ST3GAL3: variants seen among roughly 807,000 people sequenced by gnomAD.
The protein encoded by ST3GAL3 is CMP-N-acetylneuraminate-beta-1,4-galactoside alpha-2,3-sialyltransferase.
Under a neutral mutation model 50.1 loss-of-function variants are expected in ST3GAL3, and 21 were observed. The ratio of observed to expected loss-of-function variants is 0.42; its 90% CI spans 0.30 to 0.60. The LOEUF (loss-of-function observed/expected upper bound fraction) is 0.60. ST3GAL3 is among the 20% of genes least tolerant of loss of function. ST3GAL3 has a pLI of 0.19. For synonymous variants in ST3GAL3, 183 were observed against 190.0 expected (o/e 0.96, Z 0.30); for missense variants, 353 against 489.4 (o/e 0.72, Z 2.63).
chr1:43,919,907 C>G lies in ST3GAL3; in HGVS notation c.745-497C>G. ...GTGTTGGTCTGCTATACTCTACTTG[C>G]TCACGCTCTGTCTCCATTTTTCAGG... On this transcript the variant is annotated intron_variant, in intron 9 of 11. Coordinates refer to ENST00000347631, the MANE Select transcript of ST3GAL3 (RefSeq NM_006279.5). 1.3e-5 allele frequency: 3 copies of G among 235,662 alleles called. No homozygotes were observed. In the South Asian group the frequency reaches 1.9e-4, roughly 15 times the overall value. The allele number at this position is 235,662 out of a possible 1,614,324, so 14.6% of individuals were successfully genotyped here. A position where few individuals can be genotyped will look rare whatever the true frequency, so the allele number is the denominator to read the frequency against.
intron 5 of ST3GAL3, among the ~76,000 whole-genome samples, chr1:43,868,528 T>C (rs2154243307): frequency 6.6e-6 from 1 of 152,244 alleles, no homozygotes; most frequent in Middle Eastern, 3.4e-3. Context: ...CCTTCAAAAC[T>C]AGCAGTTTGT....
chr1:43,744,211 T>C (rs1682444909), intron 2 of ST3GAL3, among the ~76,000 whole-genome samples: 1 of 152,144 alleles, frequency 6.6e-6, no homozygotes, highest in Non-Finnish European at 1.5e-5. Flanking sequence ...AGGCGGGTAA[T>C]TACTCTTAAA....
chr1:43,837,972 T>C (rs1488196612), intron 4 of ST3GAL3, among the ~76,000 whole-genome samples: 1 of 151,964 alleles, frequency 6.6e-6, no homozygotes, highest in African/African-American at 2.4e-5. Context: ...GGAATGAAAC[T>C]TGATTCAAGG....
At chr1:43,876,462 G>A (rs889216169) in intron 5 of ST3GAL3, among the ~76,000 whole-genome samples, 1 of 152,178 alleles carries the variant, frequency 6.6e-6, no homozygotes, top group Non-Finnish European at 1.5e-5. Flanking sequence ...TCGGGATTGA[G>A]GCTCTTAGCT....
At chr1:43,903,081 A>G (rs1170843710) in intron 9 of ST3GAL3, among the ~76,000 whole-genome samples, 1 of 152,174 alleles carries the variant, frequency 6.6e-6, no homozygotes, top group Non-Finnish European at 1.5e-5. Flanking sequence ...TGAGTGGGTG[A>G]AAGGAATTAC....
chr1:43,803,657 T>G (rs1437851983), intron 3 of ST3GAL3, among the ~76,000 whole-genome samples: 2 of 152,238 alleles, frequency 1.3e-5, no homozygotes, highest in African/African-American at 4.8e-5. Flanking sequence ...TTTTAAGAGT[T>G]TACATCAGTG....
chr1:43,864,294 A>G (rs2070770932), intron 5 of ST3GAL3, among the ~76,000 whole-genome samples: 1 of 152,142 alleles, frequency 6.6e-6, no homozygotes, highest in Non-Finnish European at 1.5e-5. Flanking sequence ...AAAAAAACAA[A>G]GAAAGAAACT....
intron 10 of ST3GAL3, 44 bp from the exon 11 acceptor site, chr1:43,920,738 C>T (rs764699058): frequency 3.1e-6 from 5 of 1,614,118 alleles, no homozygotes; most frequent in Non-Finnish European, 4.2e-6. Context: ...AGCCCTCCAG[C>T]TGAACTCTGC....
intron 1 of ST3GAL3, among the ~76,000 whole-genome samples, chr1:43,733,220 C>T (rs763927090): frequency 2.6e-5 from 4 of 152,120 alleles, no homozygotes; most frequent in East Asian, 1.9e-4. Context: ...AGGCTGGTCT[C>T]GAACTCCTGG....
intron 5 of ST3GAL3, among the ~76,000 whole-genome samples, chr1:43,883,297 G>A (rs1331356466): frequency 1.3e-5 from 2 of 152,146 alleles, no homozygotes; most frequent in Admixed American, 1.3e-4. Context: ...CACTTAGGAA[G>A]GGGTCTCCTG....
At chr1:43,824,848 G>A in intron 4 of ST3GAL3, 1 of 1,070,814 alleles carries the variant, frequency 9.3e-7, no homozygotes, top group Non-Finnish European at 1.5e-6. Context: ...TGAAGTCACT[G>A]AGCGAGGACA....
chr1:43,715,559 G>C (rs1244604605), intron 1 of ST3GAL3, among the ~76,000 whole-genome samples: 2 of 149,982 alleles, frequency 1.3e-5, no homozygotes, highest in East Asian at 2.0e-4. Context: ...CTGGGGGACA[G>C]AGTGAGACTC....
intron 4 of ST3GAL3, among the ~76,000 whole-genome samples, chr1:43,825,207 A>G (rs986932619): frequency 6.6e-6 from 1 of 152,194 alleles, no homozygotes; most frequent in East Asian, 1.9e-4. Context: ...TATAACAACT[A>G]CTGCAGAATA....
Position 43,899,687 on chromosome 1 carries a change from AC to A in ST3GAL3, c.705del (p.Phe236LeufsTer4). 6.2e-7 allele frequency: 1 copy of A among 1,614,052 alleles called. No homozygotes were observed. On this transcript the variant is annotated frameshift_variant, in exon 9 of 12. Coordinates refer to ENST00000347631, the MANE Select transcript of ST3GAL3 (RefSeq NM_006279.5). LOFTEE classifies it high-confidence loss of function. This position sits in a 1 kb window ranked among gnomAD's most constrained non-coding sequence, Gnocchi z 5.4. ...LFVLAGFKWQ[D>X]FKWLKYIVYK... is the part of the protein sequence containing the mutation. The stretch of plus-strand genomic sequence containing the variant: ...GTCCTCGCCGGCTTCAAGTGGCAGG[AC>A]TTTAAGTGGTTGAAATACATCGTCT...
chr1:43,722,786 G>A (rs1558008774), intron 1 of ST3GAL3, among the ~76,000 whole-genome samples: 1 of 152,196 alleles, frequency 6.6e-6, no homozygotes, highest in Non-Finnish European at 1.5e-5. Flanking sequence ...GATAGTAAAT[G>A]CTGGAGGAAG....
intron 5 of ST3GAL3, among the ~76,000 whole-genome samples, chr1:43,857,415 C>A (rs556290308): frequency 1.2e-4 from 19 of 152,164 alleles, no homozygotes; most frequent in African/African-American, 3.6e-4. Flanking sequence ...CCAAAAAAAA[C>A]CCAAAAAAAC....
intron 1 of ST3GAL3, among the ~76,000 whole-genome samples, chr1:43,723,633 A>G (rs776499950): frequency 2.5e-4 from 35 of 139,710 alleles, no homozygotes; most frequent in Non-Finnish European, 5.2e-4. Flanking sequence ...TTTTTTTTAG[A>G]CAGAGTCTCA....
chr1:43,775,073 C>T (rs369571746), intron 2 of ST3GAL3, among the ~76,000 whole-genome samples: 4 of 152,096 alleles, frequency 2.6e-5, no homozygotes, highest in Admixed American at 6.6e-5. Flanking sequence ...CTGATTCTGG[C>T]GCGTTCTCTT....
rs539049675 is a variant in ST3GAL3 at position 43,732,434 on chromosome 1, C to G, written c.-30-3799C>G. Among the ~76,000 whole-genome samples, 5 of 152,342 alleles carry G rather than the reference C, an allele frequency of 3.3e-5. No individual in the cohort carries two copies. The East Asian group carries it at 9.6e-4, about 29-fold the overall frequency. Reference sequence around the variant, plus strand: ...TGTAGGGTGGCTTCTCTTCTCCAGCCAGCTCTTGCTGGGCTCCAGTGACAC... The same window carrying G: ...TGTAGGGTGGCTTCTCTTCTCCAGCGAGCTCTTGCTGGGCTCCAGTGACAC... On this transcript the variant is annotated intron_variant, in intron 1 of 11. Coordinates refer to ENST00000347631, the MANE Select transcript of ST3GAL3 (RefSeq NM_006279.5).
Sources: allele counts gnomAD v4.1 joint callset (sites outside exome capture counted in the v4.1 genomes callset), GRCh38; gene constraint gnomAD v4.1.1; non-coding constraint Gnocchi (gnomAD v3.1); transcripts MANE v1.5; gene names NCBI Gene and HGNC (gene_info 2026-07-23, HGNC 2026-07-21).